The following CUL3 variants were observed in gnomAD, a reference collection of about 807,000 sequenced individuals.
CUL3 encodes cullin 3.
In CUL3, 19 loss-of-function variants were observed where a neutral mutation model predicts 89.1. That is an observed-to-expected ratio of 0.21 (90% CI 0.15 to 0.31). The LOEUF is 0.31. Ranked by LOEUF, CUL3 falls within the 10% of genes least tolerant of loss-of-function variation. The pLI is 1.00. For missense variants in CUL3, 469 were observed against 942.3 expected (o/e 0.50, Z 6.58); for synonymous variants, 351 against 308.4 (o/e 1.14, Z -1.45).
chr2:224,557,881 G>GAAAAAAAAAAAAAAAAAA, intron 1 of CUL3, 25 bp from the exon 2 acceptor site: 2 of 53,722 alleles, frequency 3.7e-5, no homozygotes, highest in South Asian at 5.2e-4. Flanking sequence ...AGAGAGAAGA[G>GAAAAAAAAAAAAAAAAAA]ACAAAAAAAA....
In CUL3 at chr2:224,495,824, A is replaced by G. The variant is rs1165440267; in HGVS notation, c.1842+8T>C. ...CACAGTTAAAATGTATATAACCACA[A>G]TCCATACCTCAAATGTGTATTTTTC... is the stretch of plus-strand genomic sequence containing the variant. On this transcript the variant is annotated splice_region_variant and intron_variant, in intron 13 of 15. Coordinates refer to ENST00000264414, the MANE Select transcript of CUL3 (RefSeq NM_003590.5). The G allele has an allele frequency of 6.2e-7, 1 of 1,604,038 alleles. No individual in the cohort carries two copies. Among genetic ancestry groups the G allele is most frequent in the Non-Finnish European group, 8.5e-7 (1 of 1,173,236 alleles).
At chr2:224,567,727 G>A (rs1695079802) in intron 1 of CUL3, among the ~76,000 whole-genome samples, 1 of 149,112 alleles carries the variant, frequency 6.7e-6, no homozygotes, top group South Asian at 2.2e-4. Context: ...GCAACAGAGT[G>A]AGACTCTGTC....
rs62186978 is a variant in CUL3, at chr2:224,498,927, A to G, written c.1611-1078T>C. On this transcript the variant is annotated intron_variant, in intron 11 of 15. Transcript: ENST00000264414. ...TGAAAGCAACTGGCTATGGTAATGT[A>G]GAGAAGACAGCAGGAATAGCACCAG... 8.7e-3 allele frequency among the ~76,000 whole-genome samples: 1,322 copies of G among 152,348 alleles called. 12 individuals are homozygous for G. Among genetic ancestry groups the G allele is most frequent in the Middle Eastern group, 0.014 (4 of 294 alleles).
chr2:224,568,907 A>T (rs1695112852), intron 1 of CUL3, among the ~76,000 whole-genome samples: 1 of 152,190 alleles, frequency 6.6e-6, no homozygotes, highest in East Asian at 1.9e-4. Context: ...TAATTATGTT[A>T]CTAATGAGCT....
At chr2:224,571,255 A>T (rs1695173663) in intron 1 of CUL3, among the ~76,000 whole-genome samples, 1 of 152,210 alleles carries the variant, frequency 6.6e-6, no homozygotes, top group Admixed American at 6.5e-5. Context: ...AAAATTAGTG[A>T]TTATATCTAA....
intron 3 of CUL3, among the ~76,000 whole-genome samples, chr2:224,523,042 GA>G (rs553693849): frequency 3.3e-5 from 5 of 151,652 alleles, no homozygotes; most frequent in African/African-American, 4.8e-5. Context: ...AGGTCAGAGG[GA>G]AAAAAAACAG....
At chr2:224,490,548 T>A (rs1691929359) in intron 13 of CUL3, among the ~76,000 whole-genome samples, 1 of 152,084 alleles carries the variant, frequency 6.6e-6, no homozygotes, top group African/African-American at 2.4e-5. Context: ...CTTTGTCTTG[T>A]GTCTTTATTT....
chr2:224,484,869 T>C (rs1218326225), intron 13 of CUL3, among the ~76,000 whole-genome samples: 2 of 152,116 alleles, frequency 1.3e-5, no homozygotes, highest in Non-Finnish European at 2.9e-5. Flanking sequence ...ACAGCTCCGA[T>C]CTGCAGCTCC....
intron 9 of CUL3, 143 bp downstream of exon 9, chr2:224,503,509 T>C (rs1692477261): frequency 2.8e-6 from 2 of 724,982 alleles, no homozygotes; most frequent in Non-Finnish European, 4.3e-6. Context: ...GTGTAGTCTG[T>C]GTTCTTCTCC....
At chr2:224,549,585 T>A (rs1253452729) in intron 2 of CUL3, among the ~76,000 whole-genome samples, 1 of 152,156 alleles carries the variant, frequency 6.6e-6, no homozygotes, top group African/African-American at 2.4e-5. Context: ...CAGTTCTATT[T>A]TCTACCTATT....
chr2:224,581,224 ATCTC>A, intron 1 of CUL3, among the ~76,000 whole-genome samples: 1 of 151,836 alleles, frequency 6.6e-6, no homozygotes, highest in Non-Finnish European at 1.5e-5. Flanking sequence ...GTGAAACCCC[ATCTC>A]TACTAAAAAG....
chr2:224,474,429 T>G (rs1691243643), intron 15 of CUL3, 53 bp from the exon 16 acceptor site: 1 of 1,489,780 alleles, frequency 6.7e-7, no homozygotes, highest in Non-Finnish European at 9.2e-7. Context: ...AATTCGTATC[T>G]TTGAACAGAA....
intron 9 of CUL3, 98 bp from the exon 10 acceptor site, chr2:224,503,170 G>T: frequency 1.2e-6 from 1 of 815,126 alleles, no homozygotes; most frequent in Non-Finnish European, 2.0e-6. Context: ...TGCTATCCCT[G>T]ATAATCTTCC....
At chr2:224,551,759 T>C (rs1011487487) in intron 2 of CUL3, among the ~76,000 whole-genome samples, 1 of 152,212 alleles carries the variant, frequency 6.6e-6, no homozygotes, top group African/African-American at 2.4e-5. Flanking sequence ...TGCCTGAGAA[T>C]GTATGGCTCA....
At chr2:224,498,398 C>T (rs1390788150) in intron 11 of CUL3, among the ~76,000 whole-genome samples, 1 of 151,950 alleles carries the variant, frequency 6.6e-6, no homozygotes, top group Non-Finnish European at 1.5e-5. Context: ...ACTATCCACA[C>T]CATATTTTTT....
intron 4 of CUL3, 27 bp downstream of exon 4, chr2:224,514,585 C>A (rs1223550867): frequency 2.5e-6 from 4 of 1,576,126 alleles, no homozygotes; most frequent in Non-Finnish European, 3.5e-6. Context: ...AAAACCAAAA[C>A]CACAAGAGTA....
At chr2:224,571,438 G>A (rs1695178132) in intron 1 of CUL3, among the ~76,000 whole-genome samples, 1 of 152,000 alleles carries the variant, frequency 6.6e-6, no homozygotes, top group South Asian at 2.1e-4. Context: ...TAAACTGTAA[G>A]ACAATGACAA....
chr2:224,576,004 T>C (rs1542788), intron 1 of CUL3, among the ~76,000 whole-genome samples: 28,759 of 151,972 alleles, frequency 0.19, 3,002 homozygotes, highest in South Asian at 0.27. Context: ...CTGTGAGGAA[T>C]GTATTAACAT....
intron 3 of CUL3, among the ~76,000 whole-genome samples, chr2:224,524,711 T>A (rs1693401158): frequency 6.6e-6 from 1 of 152,118 alleles, no homozygotes. Context: ...GAGGAAGGTA[T>A]CATGCAGGGC....
Sources: gnomAD v4.1 joint callset for allele counts (sites outside exome capture counted in the v4.1 genomes callset) on GRCh38, gnomAD v4.1.1 for gene constraint, MANE v1.5 for transcripts, NCBI Gene and HGNC (gene_info 2026-07-23, HGNC 2026-07-21) for gene names.